SNF8: variants seen among roughly 807,000 people sequenced by gnomAD.
The protein encoded by SNF8 is vacuolar-sorting protein SNF8.
SNF8 carries 19 observed loss-of-function variants against 36.8 expected under a neutral mutation model. That is an observed-to-expected ratio of 0.52 (90% CI 0.36 to 0.76). The LOEUF (loss-of-function observed/expected upper bound fraction) is 0.76. Among genes scored for constraint, SNF8 ranks in the 30% least tolerant of loss-of-function variants. The pLI is 0.00. For missense variants in SNF8, 268 were observed against 322.9 expected (o/e 0.83, Z 1.30); for synonymous variants, 127 against 127.4 (o/e 1.00, Z 0.02).
intron 2 of SNF8, among the ~76,000 whole-genome samples, chr17:48,941,894 T>C (rs1363244228): frequency 6.6e-6 from 1 of 152,060 alleles, no homozygotes; most frequent in Non-Finnish European, 1.5e-5. Flanking sequence ...TTTCATCATG[T>C]GGGCCAGGCT....
chr17:48,931,395 A>G (rs56046215), intron 7 of SNF8, among the ~76,000 whole-genome samples: 1 of 151,942 alleles, frequency 6.6e-6, no homozygotes, highest in East Asian at 1.9e-4. Flanking sequence ...CAGGAGAGAG[A>G]GTGTCAGTTC....
intron 3 of SNF8, 144 bp from the exon 4 acceptor site, chr17:48,937,268 C>T: frequency 1.4e-6 from 1 of 734,542 alleles, no homozygotes; most frequent in East Asian, 2.7e-5. Context: ...ACTCAGGAAA[C>T]AATCGGACTC....
Position 48,941,730 on chromosome 17 carries a change from G to A in SNF8, c.106-668C>T, listed in dbSNP as rs992092969. ...TTTTGAGACAGAATCTTGCTTTGTC[G>A]CCCAGGTTGGAGTGCACTGGCACAA... On this transcript the variant is annotated intron_variant, in intron 2 of 7. Transcript: ENST00000502492. Among the ~76,000 whole-genome samples, 89 of 150,676 alleles carry A rather than the reference G, an allele frequency of 5.9e-4. 1 individual carries two copies. Among genetic ancestry groups the A allele is most frequent in the African/African-American group, 2.1e-3 (86 of 41,032 alleles).
chr17:48,933,091 C>T, intron 6 of SNF8, 114 bp downstream of exon 6: 1 of 1,162,504 alleles, frequency 8.6e-7, no homozygotes. Context: ...AGTTCATCCA[C>T]TGGATAGTCT....
At chr17:48,932,445 T>C in intron 6 of SNF8, 1 of 152,146 alleles carries the variant, frequency 6.6e-6, no homozygotes, top group East Asian at 1.9e-4. Flanking sequence ...TAGTTCTGTT[T>C]TACGTCATAA....
intron 1 of SNF8, 92 bp from the exon 2 acceptor site, chr17:48,944,067 G>A (rs60968027): frequency 0.15 from 177,310 of 1,149,944 alleles, 21,124 homozygotes; most frequent in East Asian, 0.7. Context: ...ACTTTGGGAC[G>A]CCGAGGCGGG....
chr17:48,941,019 A>G lies in SNF8; in HGVS notation c.149T>C (p.Phe50Ser), dbSNP rs747282571. Residue 50 changes from phenylalanine to serine, a missense_variant, in exon 3 of 8, where the codon TTT (phenylalanine) becomes TCT (serine). Coordinates refer to ENST00000502492, the MANE Select transcript of SNF8 (RefSeq NM_007241.4). ...LDMFKTNLEE[F>S]ASKHKQEIRK... ...GATCTCCTGCTTGTGTTTGCTGGCA[A>G]ATTCCTCCAGGTTGGTCTTGAACAT... is the stretch of plus-strand genomic sequence containing the variant. 14 of 1,613,892 alleles carry G rather than the reference A, an allele frequency of 8.7e-6. No individual in the cohort carries two copies. The highest frequency in any genetic ancestry group is 1.3e-5 in the African/African-American group (1 of 74,992).
intron 1 of SNF8, among the ~76,000 whole-genome samples, chr17:48,944,473 G>A (rs2143825011): frequency 6.6e-6 from 1 of 152,358 alleles, no homozygotes; most frequent in African/African-American, 2.4e-5. Context: ...AATCCCATTT[G>A]TAGTTAAACT....
intron 6 of SNF8, chr17:48,932,983 G>A (rs781406939): frequency 2.5e-5 from 11 of 448,926 alleles, no homozygotes; most frequent in Non-Finnish European, 4.3e-5. Flanking sequence ...CTCCTTGAGA[G>A]CAGGAATTTT....
chr17:48,940,841 C>T (rs562479599), intron 3 of SNF8, 83 bp downstream of exon 3: 189 of 1,512,328 alleles, frequency 1.2e-4, no homozygotes, highest in Non-Finnish European at 1.7e-4. Flanking sequence ...GTGGATGCCC[C>T]AACAGTGGTA....
At position 48,929,659 on chromosome 17, in the gene SNF8, C is replaced by G. The variant is rs574373695; in HGVS notation, c.*816G>C. ...ATGCAGTGATACATGAAGGCATGGG[C>G]TCGGGTTAATAGGCCTAGGCACCAG... is the stretch of plus-strand genomic sequence containing the variant. On this transcript the variant is annotated 3_prime_UTR_variant, in exon 8 of 8. Coordinates refer to ENST00000502492, the MANE Select transcript of SNF8 (RefSeq NM_007241.4). 1 of 152,290 alleles carries G rather than the reference C, an allele frequency of 6.6e-6. No individual in the cohort carries two copies. Among genetic ancestry groups the G allele is most frequent in the East Asian group, 1.9e-4 (1 of 5,186 alleles). 9.4% of individuals were successfully genotyped at this position (152,290 alleles called of 1,614,324 possible). A position where few individuals can be genotyped will look rare whatever the true frequency, so the allele number is the denominator to read the frequency against.
chr17:48,935,619 T>G (rs892733611), intron 5 of SNF8: 1 of 152,148 alleles, frequency 6.6e-6, no homozygotes, highest in Non-Finnish European at 1.5e-5. Context: ...AGGCAGAGGT[T>G]GCAGTGAGCT....
At chr17:48,940,806 C>G in intron 3 of SNF8, 118 bp downstream of exon 3, 1 of 1,194,238 alleles carries the variant, frequency 8.4e-7, no homozygotes. Flanking sequence ...ACAGCATCCT[C>G]TGGGTCTTCC....
intron 2 of SNF8, among the ~76,000 whole-genome samples, chr17:48,941,828 C>T (rs1598093304): frequency 6.6e-6 from 1 of 151,900 alleles, no homozygotes; most frequent in Admixed American, 6.6e-5. Context: ...CTAGTTGGGA[C>T]GACAGGCATG....
At chr17:48,931,774 C>G in intron 6 of SNF8, 57 bp from the exon 7 acceptor site, 1 of 1,364,718 alleles carries the variant, frequency 7.3e-7, no homozygotes, top group Non-Finnish European at 1.0e-6. Flanking sequence ...CCCTTAGAAC[C>G]CAGGATCTGC....
At chr17:48,941,685 A>T (rs892510116) in intron 2 of SNF8, among the ~76,000 whole-genome samples, 2 of 150,702 alleles carry the variant, frequency 1.3e-5, no homozygotes, top group African/African-American at 2.4e-5. Context: ...CAATCAATCA[A>T]TATTTTTTTT....
At chr17:48,935,512 CAA>C (rs34255720) in intron 5 of SNF8, among the ~76,000 whole-genome samples, 233 of 88,908 alleles carry the variant, frequency 2.6e-3, no homozygotes, top group African/African-American at 6.3e-3. Flanking sequence ...GACTCTGTCT[CAA>C]AAAAAAAAAA....
chr17:48,941,141 T>C, intron 2 of SNF8, 79 bp from the exon 3 acceptor site: 1 of 1,534,854 alleles, frequency 6.5e-7, no homozygotes, highest in Admixed American at 1.7e-5. Flanking sequence ...CCCAGCCCTG[T>C]GGCAGGGCAA....
At chr17:48,940,882 G>A (rs749803297) in intron 3 of SNF8, 42 bp downstream of exon 3, 2 of 1,598,142 alleles carry the variant, frequency 1.3e-6, no homozygotes, top group South Asian at 1.1e-5. Context: ...TGTTCCTCAG[G>A]TACTCTATAA....
Sources: allele counts gnomAD v4.1 joint callset (sites outside exome capture counted in the v4.1 genomes callset), GRCh38; gene constraint gnomAD v4.1.1; transcripts MANE v1.5; gene names NCBI Gene and HGNC (gene_info 2026-07-23, HGNC 2026-07-21).